ADGRL3: variants seen among roughly 807,000 people sequenced by gnomAD.
ADGRL3 encodes the protein adhesion G protein-coupled receptor L3, also known as calcium-independent alpha-latrotoxin receptor 3.
In ADGRL3, 62 loss-of-function variants were observed where a neutral mutation model predicts 153.5. The observed-to-expected ratio is 0.40, with a 90% CI of 0.33 to 0.50. The LOEUF is 0.50. Ranked by LOEUF, ADGRL3 falls within the 20% of genes least tolerant of loss-of-function variation. ADGRL3 has a pLI of 0.47. For synonymous variants in ADGRL3, 710 were observed against 672.5 expected, an observed-to-expected ratio of 1.06 and a Z score of -0.86; for missense variants, 1,641 against 1,859.4, an observed-to-expected ratio of 0.88 and a Z score of 2.16.
At chr4:61,899,272 C>A (rs76572268) in intron 11 of ADGRL3, among the ~76,000 whole-genome samples, 2,813 of 152,052 alleles carry the variant, frequency 0.019, 95 homozygotes, top group African/African-American at 0.065. Context: ...TTCACCTCCC[C>A]TCTCCTCCCT....
chr4:61,843,113 G>C (rs542773187), intron 9 of ADGRL3, among the ~76,000 whole-genome samples: 1 of 152,216 alleles, frequency 6.6e-6, no homozygotes, highest in South Asian at 2.1e-4. Flanking sequence ...TTGTTGGAAA[G>C]GTATGATAGA....
Position 61,202,791 on chromosome 4 carries a change from G to A in ADGRL3, c.-240+1026G>A, listed in dbSNP as rs1735383118. On this transcript the variant is annotated intron_variant, in intron 1 of 26. Transcript: ENST00000683033. The surrounding 1 kb of genome is among the most constrained non-coding windows in gnomAD (Gnocchi z 5.0). Reference sequence around the variant, plus strand: ...GTGTGTGTGGTGTGTAGGGGTGGGGGCGACCTCCTCTACCAGCCTTACTTG... The same window carrying A: ...GTGTGTGTGGTGTGTAGGGGTGGGGACGACCTCCTCTACCAGCCTTACTTG... 6.6e-6 allele frequency among the ~76,000 whole-genome samples: 1 copy of A among 152,126 alleles called. No homozygotes were observed. Among genetic ancestry groups the A allele is most frequent in the Non-Finnish European group, 1.5e-5 (1 of 68,012 alleles).
chr4:61,830,185 T>A (rs370566775), intron 9 of ADGRL3, among the ~76,000 whole-genome samples: 1 of 151,996 alleles, frequency 6.6e-6, no homozygotes, highest in Admixed American at 6.6e-5. Flanking sequence ...ATTTTTCTTT[T>A]TTTGTAGAGG....
intron 1 of ADGRL3, among the ~76,000 whole-genome samples, chr4:61,263,007 TAA>T (rs2092634222): frequency 6.6e-6 from 1 of 152,092 alleles, no homozygotes; most frequent in Non-Finnish European, 1.5e-5. Flanking sequence ...TGCATATTTA[TAA>T]GAGGTTAGAT....
chr4:61,646,639 G>T (rs369575456), intron 5 of ADGRL3, among the ~76,000 whole-genome samples: 1,694 of 152,148 alleles, frequency 0.011, 29 homozygotes, highest in South Asian at 0.055. Flanking sequence ...CCCGTTCTCA[G>T]ATCTCCAGCT....
chr4:61,441,365 A>G (rs943612752), intron 2 of ADGRL3, among the ~76,000 whole-genome samples: 4 of 152,208 alleles, frequency 2.6e-5, no homozygotes, highest in African/African-American at 9.7e-5. Context: ...TCCATTTGGT[A>G]TTCACTATCT....
chr4:61,656,129 A>C (rs1455349716), intron 5 of ADGRL3, among the ~76,000 whole-genome samples: 2 of 152,206 alleles, frequency 1.3e-5, no homozygotes, highest in African/African-American at 4.8e-5. Flanking sequence ...ATGAAAGGGC[A>C]GTGTTCTAGT....
chr4:61,503,241 A>C (rs2098404263), intron 3 of ADGRL3, among the ~76,000 whole-genome samples: 3 of 152,120 alleles, frequency 2.0e-5, no homozygotes. Context: ...GTACTTGCAA[A>C]AGGTGTTACG....
chr4:61,422,108 A>T (rs1325324111), intron 2 of ADGRL3, among the ~76,000 whole-genome samples: 2 of 152,170 alleles, frequency 1.3e-5, no homozygotes, highest in Non-Finnish European at 2.9e-5. Context: ...GCCCCAACAA[A>T]GTGAGAGACT....
At chr4:61,853,207 G>A (rs778709422) in intron 9 of ADGRL3, among the ~76,000 whole-genome samples, 6 of 151,968 alleles carry the variant, frequency 3.9e-5, no homozygotes, top group Non-Finnish European at 5.9e-5. Context: ...TGCCATTAGA[G>A]GCCCCACTTT....
chr4:61,641,148 G>C (rs142616587), intron 5 of ADGRL3, among the ~76,000 whole-genome samples: 1 of 151,840 alleles, frequency 6.6e-6, no homozygotes, highest in African/African-American at 2.4e-5. Flanking sequence ...TTTAAAAATA[G>C]GAATAAGAAT....
At position 61,202,777 on chromosome 4, in the gene ADGRL3, G is replaced by A. The variant is rs1735378706; in HGVS notation, c.-240+1012G>A. On this transcript the variant is annotated intron_variant, in intron 1 of 26. Transcript: ENST00000683033. This position sits in a 1 kb window ranked among gnomAD's most constrained non-coding sequence, Gnocchi z 5.0. ...GTGTGTCTGTGCGTGTGTGTGTGGT[G>A]TGTAGGGGTGGGGGCGACCTCCTCT... Among the ~76,000 whole-genome samples, 2 of 152,144 alleles carry A rather than the reference G, an allele frequency of 1.3e-5. No individual in the cohort carries two copies. Among genetic ancestry groups the A allele is most frequent in the South Asian group, 4.1e-4 (2 of 4,830 alleles).
Position 61,695,290 on chromosome 4 carries a change from C to T in ADGRL3, c.583+18355C>T, listed in dbSNP as rs188858378. Among the ~76,000 whole-genome samples the T allele has an allele frequency of 4.3e-4, 65 of 152,276 alleles. No individual in the cohort carries two copies. The Middle Eastern group carries it at 0.014, about 32-fold the overall frequency. On this transcript the variant is annotated intron_variant, in intron 6 of 26. Coordinates refer to ENST00000683033, the MANE Select transcript of ADGRL3 (RefSeq NM_001387552.1). ...TAGTAAGACTTAAACATTGAAATTA[C>T]GCTTTGGTCCATGGGCTACAGAATG...
At chr4:61,648,909 T>C in intron 5 of ADGRL3, among the ~76,000 whole-genome samples, 1 of 152,204 alleles carries the variant, frequency 6.6e-6, no homozygotes, top group South Asian at 2.1e-4. Context: ...AGGGACATGA[T>C]AAGAACACAG....
chr4:61,898,057 G>A (rs1561435170), intron 11 of ADGRL3, among the ~76,000 whole-genome samples: 1 of 152,186 alleles, frequency 6.6e-6, no homozygotes, highest in East Asian at 1.9e-4. Context: ...CCAGGAGAAT[G>A]AATACCCTGA....
intron 2 of ADGRL3, among the ~76,000 whole-genome samples, chr4:61,468,809 G>A (rs1257134147): frequency 6.6e-6 from 1 of 152,096 alleles, no homozygotes; most frequent in Non-Finnish European, 1.5e-5. Context: ...GGGAAAAAGA[G>A]ACGTCTAGTT....
chr4:61,830,441 C>A (rs1419959894), intron 9 of ADGRL3, among the ~76,000 whole-genome samples: 1 of 152,102 alleles, frequency 6.6e-6, no homozygotes, highest in African/African-American at 2.4e-5. Flanking sequence ...ACCTTTTTAC[C>A]CTCTTCTTTG....
chr4:61,538,244 G>T (rs928892501), intron 4 of ADGRL3, among the ~76,000 whole-genome samples: 1 of 149,462 alleles, frequency 6.7e-6, no homozygotes, highest in African/African-American at 2.5e-5. Flanking sequence ...GCTAAGACTC[G>T]TTGTGTGCTT....
At chr4:61,654,326 A>AT (rs1180304586) in intron 5 of ADGRL3, among the ~76,000 whole-genome samples, 1 of 152,036 alleles carries the variant, frequency 6.6e-6, no homozygotes, top group South Asian at 2.1e-4. Flanking sequence ...ACAAAACTCT[A>AT]TATCAAATTT....
Sources: allele counts gnomAD v4.1 joint callset (sites outside exome capture counted in the v4.1 genomes callset), GRCh38; gene constraint gnomAD v4.1.1; non-coding constraint Gnocchi (gnomAD v3.1); transcripts MANE v1.5; gene names NCBI Gene and HGNC (gene_info 2026-07-23, HGNC 2026-07-21).